SBF2: variants seen among roughly 807,000 people sequenced by gnomAD.
The protein encoded by SBF2 is myotubularin-related protein 13.
SBF2 carries 112 observed loss-of-function variants against 225.2 expected under a neutral mutation model. The observed-to-expected ratio is 0.50, with a 90% CI of 0.43 to 0.58. The LOEUF (loss-of-function observed/expected upper bound fraction) is 0.58. Ranked by LOEUF, SBF2 falls within the 20% of genes least tolerant of loss-of-function variation. The pLI is 0.00. For missense variants in SBF2, 1,996 were observed against 2,206.2 expected (o/e 0.90, Z 1.91); for synonymous variants, 763 against 773.3 (o/e 0.99, Z 0.22).
intron 6 of SBF2, among the ~76,000 whole-genome samples, chr11:10,006,818 G>GC (rs1221700492): frequency 6.6e-6 from 1 of 152,116 alleles, no homozygotes; most frequent in Non-Finnish European, 1.5e-5. Context: ...GGGAAGTTCA[G>GC]CCCCCTTGCA....
chr11:10,227,181 T>C (rs1188497333), intron 1 of SBF2, among the ~76,000 whole-genome samples: 1 of 152,212 alleles, frequency 6.6e-6, no homozygotes, highest in Admixed American at 6.5e-5. Context: ...TGTTTTTTTC[T>C]TGTAAATTTG....
At chr11:10,113,604 T>C (rs562580727) in intron 2 of SBF2, among the ~76,000 whole-genome samples, 12 of 152,222 alleles carry the variant, frequency 7.9e-5, no homozygotes, top group Non-Finnish European at 1.3e-4. Flanking sequence ...AGATGGCAAA[T>C]AAGCAAAACA....
intron 2 of SBF2, among the ~76,000 whole-genome samples, chr11:10,102,893 AT>A (rs951973986): frequency 6.6e-6 from 1 of 152,228 alleles, no homozygotes; most frequent in African/African-American, 2.4e-5. Flanking sequence ...GATTTATAAA[AT>A]TTTATTTAAA....
At chr11:9,959,511 T>G (rs1447412239) in intron 16 of SBF2, 1 of 810,030 alleles carries the variant, frequency 1.2e-6, no homozygotes, top group Non-Finnish European at 2.2e-6. Flanking sequence ...ACTTGAAAAC[T>G]TCACAGAACA....
intron 3 of SBF2, among the ~76,000 whole-genome samples, chr11:10,035,042 G>A (rs1006433589): frequency 6.6e-6 from 1 of 152,136 alleles, no homozygotes; most frequent in African/African-American, 2.4e-5. Context: ...TCCGCTCGCT[G>A]CAAGCTCCAC....
At chr11:10,229,680 G>A (rs975989565) in intron 1 of SBF2, among the ~76,000 whole-genome samples, 1 of 152,186 alleles carries the variant, frequency 6.6e-6, no homozygotes, top group African/African-American at 2.4e-5. Flanking sequence ...CTGAGAGATA[G>A]TTTCTGATAA....
At chr11:9,895,061 T>C (rs1861129145) in intron 17 of SBF2, among the ~76,000 whole-genome samples, 1 of 152,216 alleles carries the variant, frequency 6.6e-6, no homozygotes, top group Non-Finnish European at 1.5e-5. Flanking sequence ...TGACTAGACC[T>C]TGACTGATTC....
chr11:9,948,267 G>A (rs58781934), intron 16 of SBF2, among the ~76,000 whole-genome samples: 1,974 of 152,048 alleles, frequency 0.013, 44 homozygotes, highest in African/African-American at 0.045. Flanking sequence ...GGGGCAGGGG[G>A]AAACGGGAGT....
At chr11:10,197,896 G>A (rs894957778) in intron 1 of SBF2, among the ~76,000 whole-genome samples, 15 of 152,108 alleles carry the variant, frequency 9.9e-5, no homozygotes, top group African/African-American at 2.4e-4. Flanking sequence ...AGGTTTTATC[G>A]TGAGATTGTA....
intron 13 of SBF2, among the ~76,000 whole-genome samples, chr11:9,987,072 T>C (rs902282105): frequency 5.9e-5 from 9 of 152,136 alleles, no homozygotes; most frequent in Admixed American, 3.3e-4. Context: ...AGAAAGATAA[T>C]CCACCATGAT....
At chr11:10,154,486 T>C (rs1955371344) in intron 2 of SBF2, among the ~76,000 whole-genome samples, 1 of 152,116 alleles carries the variant, frequency 6.6e-6, no homozygotes, top group African/African-American at 2.4e-5. Flanking sequence ...ACTTTTTCAG[T>C]TCTCGTATTT....
intron 19 of SBF2, among the ~76,000 whole-genome samples, chr11:9,854,727 G>A (rs926344193): frequency 6.6e-6 from 1 of 152,114 alleles, no homozygotes; most frequent in Non-Finnish European, 1.5e-5. Flanking sequence ...CAAGTGGCTA[G>A]GACTACAGGT....
chr11:9,815,468 T>G (rs1041445739), intron 29 of SBF2, among the ~76,000 whole-genome samples: 2 of 145,198 alleles, frequency 1.4e-5, no homozygotes, highest in Non-Finnish European at 3.0e-5. Context: ...TTAAAAAAAA[T>G]ATAATAATAA....
chr11:10,046,478 C>T (rs984068657), intron 2 of SBF2, among the ~76,000 whole-genome samples: 1 of 152,058 alleles, frequency 6.6e-6, no homozygotes, highest in Admixed American at 6.5e-5. Flanking sequence ...TCAATTAAAG[C>T]ATTATATCGT....
chr11:10,218,334 C>T (rs1958211404), intron 1 of SBF2, among the ~76,000 whole-genome samples: 1 of 125,484 alleles, frequency 8.0e-6, no homozygotes, highest in African/African-American at 3.0e-5. Flanking sequence ...CCCCCCCCAC[C>T]CAATGATTCA....
chr11:10,192,292 C>A (rs559487052), intron 2 of SBF2, among the ~76,000 whole-genome samples: 2 of 152,240 alleles, frequency 1.3e-5, no homozygotes, highest in East Asian at 3.9e-4. Context: ...AGATTTACCC[C>A]CTCTGTAGGC....
intron 16 of SBF2, among the ~76,000 whole-genome samples, chr11:9,949,046 A>T (rs759399276): frequency 7.9e-5 from 12 of 152,076 alleles, no homozygotes; most frequent in Non-Finnish European, 1.5e-4. Context: ...TGGTGCCTGG[A>T]CAAGGAAAGA....
intron 8 of SBF2, among the ~76,000 whole-genome samples, chr11:9,999,436 T>G (rs1947856175): frequency 6.6e-6 from 1 of 152,140 alleles, no homozygotes; most frequent in Admixed American, 6.5e-5. Context: ...TTCTCCTGCC[T>G]CACCCTCCTG....
intron 17 of SBF2, among the ~76,000 whole-genome samples, chr11:9,890,361 A>G (rs1814398821): frequency 6.6e-6 from 1 of 152,230 alleles, no homozygotes; most frequent in South Asian, 2.1e-4. Flanking sequence ...TTATACTTCA[A>G]TAATCTTCTT....
Sources: gnomAD v4.1 joint callset for allele counts (sites outside exome capture counted in the v4.1 genomes callset) on GRCh38, gnomAD v4.1.1 for gene constraint, MANE v1.5 for transcripts, NCBI Gene and HGNC (gene_info 2026-07-23, HGNC 2026-07-21) for gene names.